TNFAIP8L3: variants seen among roughly 807,000 people sequenced by gnomAD.
The protein encoded by TNFAIP8L3 is TNF alpha induced protein 8 like 3, also known as tumor necrosis factor alpha-induced protein 8-like protein 3.
Under a neutral mutation model 11.8 loss-of-function variants are expected in TNFAIP8L3, and 7 were observed. That is an observed-to-expected ratio of 0.59 (90% confidence interval 0.34 to 1.11). TNFAIP8L3 has a LOEUF of 1.11. Ranked by LOEUF, TNFAIP8L3 falls within the 50% of genes most tolerant of loss-of-function variation. The pLI, the probability that TNFAIP8L3 is intolerant of heterozygous loss-of-function variation, is 0.03. For missense variants in TNFAIP8L3, 219 were observed against 258.6 expected (o/e 0.85, Z 1.05); for synonymous variants, 98 against 103.8 (o/e 0.94, Z 0.34).
At chr15:51,101,945 C>CAAAAAAAAAAAAAAAAAAAAAAAAAA (rs11297566) in intron 1 of TNFAIP8L3, among the ~76,000 whole-genome samples, 1 of 85,720 alleles carries the variant, frequency 1.2e-5, no homozygotes, top group African/African-American at 4.4e-5. Flanking sequence ...GACTCTGTCT[C>CAAAAAAAAAAAAAAAAAAAAAAAAAA]AAAAAAAAAA....
intron 1 of TNFAIP8L3, among the ~76,000 whole-genome samples, chr15:51,092,832 C>T (rs1179665634): frequency 1.3e-5 from 2 of 152,150 alleles, no homozygotes; most frequent in South Asian, 2.1e-4. Flanking sequence ...TCTGAAGATT[C>T]TCCTCCCTGC....
At chr15:51,085,912 T>C (rs1394226117) in intron 1 of TNFAIP8L3, among the ~76,000 whole-genome samples, 1 of 152,230 alleles carries the variant, frequency 6.6e-6, no homozygotes, top group Non-Finnish European at 1.5e-5. Flanking sequence ...TATTCTACCA[T>C]GAGCTTGCAC....
At position 51,101,658 on chromosome 15, in the gene TNFAIP8L3, A is replaced by G. The variant is rs569475697; in HGVS notation, c.172+3347T>C. On this transcript the variant is annotated intron_variant, in intron 1 of 2. Transcript: ENST00000327536. ...AAAAAGAAAGAAAGAAAGACAGAAA[A>G]TATGTAGGCTGGGCGCCGTGGCTGA... Among the ~76,000 whole-genome samples, 428 of 151,466 alleles carry G rather than the reference A, an allele frequency of 2.8e-3. 3 individuals are homozygous for G. Among genetic ancestry groups the G allele is most frequent in the Non-Finnish European group, 4.2e-3 (285 of 67,844 alleles).
intron 1 of TNFAIP8L3, among the ~76,000 whole-genome samples, chr15:51,101,346 G>A (rs970560416): frequency 2.0e-5 from 3 of 152,200 alleles, no homozygotes; most frequent in Non-Finnish European, 4.4e-5. Flanking sequence ...ATAGTGCGGG[G>A]CGTGGTGGCT....
chr15:51,082,986 CAA>C (rs1180024482), intron 1 of TNFAIP8L3, among the ~76,000 whole-genome samples: 6 of 152,162 alleles, frequency 3.9e-5, no homozygotes, highest in African/African-American at 1.4e-4. Context: ...TAAAGATAGA[CAA>C]AATCCTGGCT....
At chr15:51,059,361 A>G (rs2065227649) in intron 1 of TNFAIP8L3, among the ~76,000 whole-genome samples, 1 of 152,256 alleles carries the variant, frequency 6.6e-6, no homozygotes, top group Non-Finnish European at 1.5e-5. Context: ...ATAAGTATAA[A>G]TAAAAATTCT....
intron 1 of TNFAIP8L3, among the ~76,000 whole-genome samples, chr15:51,104,572 C>G (rs565036502): frequency 6.6e-6 from 1 of 152,180 alleles, no homozygotes; most frequent in Non-Finnish European, 1.5e-5. Context: ...GCTGCAGCCT[C>G]GTCCCTGATG....
chr15:51,092,143 C>G (rs1595619427), intron 1 of TNFAIP8L3, among the ~76,000 whole-genome samples: 1 of 152,174 alleles, frequency 6.6e-6, no homozygotes, highest in Non-Finnish European at 1.5e-5. Context: ...AGGGCTTTTT[C>G]ATAAATTCAG....
At chr15:51,093,164 T>C (rs1452683937) in intron 1 of TNFAIP8L3, among the ~76,000 whole-genome samples, 1 of 152,220 alleles carries the variant, frequency 6.6e-6, no homozygotes, top group Non-Finnish European at 1.5e-5. Flanking sequence ...GTTTATGAAT[T>C]ATATCATACC....
chr15:51,057,109 C>G lies in TNFAIP8L3; in HGVS notation c.*772G>C, dbSNP rs2065210976. 1 of 152,110 alleles carries G rather than the reference C, an allele frequency of 6.6e-6. No homozygotes were observed. The highest frequency in any genetic ancestry group is 1.5e-5 in the Non-Finnish European group (1 of 68,042). 9.4% of individuals were successfully genotyped at this position (152,110 alleles called of 1,614,324 possible). On this transcript the variant is annotated 3_prime_UTR_variant, in exon 2 of 2. Transcript: ENST00000637513. ...AATTTTAGTAGAGATAGGGTTTCATCATGTTGGCCAGGCTGATCTTGAACT... is the reference window on the plus strand; with the variant it reads ...AATTTTAGTAGAGATAGGGTTTCATGATGTTGGCCAGGCTGATCTTGAACT...
At chr15:51,084,042 A>C (rs2065410260) in intron 1 of TNFAIP8L3, among the ~76,000 whole-genome samples, 1 of 152,254 alleles carries the variant, frequency 6.6e-6, no homozygotes, top group African/African-American at 2.4e-5. Context: ...ACTACAAAGA[A>C]GACAATTAAA....
Position 51,072,989 on chromosome 15 carries a change from C to CTTTTTTTTTTTTTTTTTT in TNFAIP8L3, c.53-14547_53-14546insAAAAAAAAAAAAAAAAAA, listed in dbSNP as rs2065321403. Reference sequence around the variant, plus strand: ...ATGTTGATCTGAAGTAAACTGGGATCCTTTTTTTTTTTTTTTTTTTTTTTG... The same window carrying CTTTTTTTTTTTTTTTTTT: ...ATGTTGATCTGAAGTAAACTGGGATCTTTTTTTTTTTTTTTTTTCTTTTTTTTTTTTTTTTTTTTTTTG... On this transcript the variant is annotated intron_variant, in intron 1 of 1. Transcript: ENST00000637513. 1.1e-4 allele frequency among the ~76,000 whole-genome samples: 5 copies of CTTTTTTTTTTTTTTTTTT among 45,752 alleles called. 2 individuals are homozygous for CTTTTTTTTTTTTTTTTTT. Among genetic ancestry groups the CTTTTTTTTTTTTTTTTTT allele is most frequent in the East Asian group, 4.1e-4 (1 of 2,414 alleles). The allele number at this position is 45,752 out of a possible 152,430, so 30.0% of individuals were successfully genotyped here. A position where few individuals can be genotyped will look rare whatever the true frequency, so the allele number is the denominator to read the frequency against.
At chr15:51,087,373 T>C (rs957308804) in intron 1 of TNFAIP8L3, among the ~76,000 whole-genome samples, 1 of 152,210 alleles carries the variant, frequency 6.6e-6, no homozygotes, top group Non-Finnish European at 1.5e-5. Context: ...CTTCCCAGCA[T>C]AACCCACAGG....
upstream of TNFAIP8L3, among the ~76,000 whole-genome samples, chr15:51,095,115 A>G (rs1053090427): frequency 1.3e-5 from 2 of 149,870 alleles, no homozygotes; most frequent in Non-Finnish European, 3.0e-5. Context: ...AGAGGTTCCG[A>G]GTGTTCCGAC....
chr15:51,073,414 T>G (rs534812498), intron 1 of TNFAIP8L3, among the ~76,000 whole-genome samples: 1 of 152,380 alleles, frequency 6.6e-6, no homozygotes, highest in South Asian at 2.1e-4. Context: ...CATAAATCTC[T>G]TGCATATCTT....
At chr15:51,081,861 C>T (rs1222718936) in intron 1 of TNFAIP8L3, among the ~76,000 whole-genome samples, 4 of 152,076 alleles carry the variant, frequency 2.6e-5, no homozygotes, top group African/African-American at 9.7e-5. Flanking sequence ...GCACAATGCT[C>T]CCTTTGTCCA....
At chr15:51,077,040 T>G (rs888719924) in intron 1 of TNFAIP8L3, among the ~76,000 whole-genome samples, 9 of 152,098 alleles carry the variant, frequency 5.9e-5, no homozygotes, top group Admixed American at 3.3e-4. Context: ...TCCTCCTGCT[T>G]CTTTCTCACT....
chr15:51,093,971 G>GGGGACCTTCTGGACCTTCTCCGCC (rs2065491254), intron 1 of TNFAIP8L3, among the ~76,000 whole-genome samples: 1 of 152,148 alleles, frequency 6.6e-6, no homozygotes, highest in Non-Finnish European at 1.5e-5. Context: ...ACCAGTCCGC[G>GGGGACCTTCTGGACCTTCTCCGCC]GGGACCTTCT....
chr15:51,078,484 C>G (rs2065370467), intron 1 of TNFAIP8L3, among the ~76,000 whole-genome samples: 1 of 152,068 alleles, frequency 6.6e-6, no homozygotes, highest in African/African-American at 2.4e-5. Context: ...GCCTCCTCCT[C>G]CTCTGTCTAT....
Sources: allele counts gnomAD v4.1 joint callset (sites outside exome capture counted in the v4.1 genomes callset), GRCh38; gene constraint gnomAD v4.1.1; transcripts MANE v1.5; gene names NCBI Gene and HGNC (gene_info 2026-07-23, HGNC 2026-07-21).